Variants in EYS observed in about 807,000 individuals in gnomAD.
EYS encodes protein eyes shut homolog.
In EYS, 250 loss-of-function variants were observed where a neutral mutation model predicts 282.1. That is an observed-to-expected ratio of 0.89 (90% CI 0.80 to 0.98). The LOEUF is 0.98. Among genes scored for constraint, EYS ranks in the 50% least tolerant of loss-of-function variants. EYS has a pLI of 0.00. For missense variants in EYS, 4,016 were observed against 3,709.0 expected (o/e 1.08, Z -2.15); for synonymous variants, 1,355 against 1,282.9 (o/e 1.06, Z -1.20).
chr6:63,962,733 A>G (rs1470225841), intron 35 of EYS, among the ~76,000 whole-genome samples: 1 of 152,200 alleles, frequency 6.6e-6, no homozygotes, highest in African/African-American at 2.4e-5. Context: ...TAGAAATACC[A>G]TTTGACCCAG....
intron 5 of EYS, among the ~76,000 whole-genome samples, chr6:65,438,153 A>T (rs1016355263): frequency 6.6e-5 from 10 of 152,010 alleles, no homozygotes; most frequent in Non-Finnish European, 1.0e-4. Context: ...GATGGTTTCC[A>T]GCTTCATCCA....
intron 32 of EYS, 65 bp downstream of exon 32, chr6:64,081,791 G>C: frequency 8.1e-7 from 1 of 1,234,644 alleles, no homozygotes; most frequent in Admixed American, 2.9e-5. Flanking sequence ...ATAAATCATT[G>C]ATTCAATAGA....
At chr6:65,301,855 G>C (rs1429763080) in intron 11 of EYS, among the ~76,000 whole-genome samples, 1 of 152,200 alleles carries the variant, frequency 6.6e-6, no homozygotes, top group East Asian at 1.9e-4. Context: ...CAAGGTTCTG[G>C]ACCTTGAGAA....
intron 36 of EYS, among the ~76,000 whole-genome samples, chr6:63,836,073 T>C (rs1771797949): frequency 6.6e-6 from 1 of 152,094 alleles, no homozygotes. Flanking sequence ...ATATTTTATT[T>C]CTCTGGATTA....
intron 12 of EYS, among the ~76,000 whole-genome samples, chr6:65,282,438 C>G (rs1768250510): frequency 6.6e-6 from 1 of 151,836 alleles, no homozygotes; most frequent in Non-Finnish European, 1.5e-5. Flanking sequence ...AACATTGGCT[C>G]TTAAAATGTC....
chr6:64,342,403 C>T (rs556352739), intron 29 of EYS, among the ~76,000 whole-genome samples: 10 of 151,940 alleles, frequency 6.6e-5, no homozygotes, highest in African/African-American at 2.2e-4. Context: ...AGAGTGGGGG[C>T]CAATACTCAA....
chr6:64,070,486 T>A (rs1190431191), intron 32 of EYS, among the ~76,000 whole-genome samples: 1 of 152,050 alleles, frequency 6.6e-6, no homozygotes, highest in African/African-American at 2.4e-5. Flanking sequence ...CGGCAAAAAA[T>A]ACTATTAGCT....
At chr6:64,958,878 T>C (rs550033302) in intron 14 of EYS, among the ~76,000 whole-genome samples, 45 of 152,078 alleles carry the variant, frequency 3.0e-4, no homozygotes, top group African/African-American at 1.0e-3. Context: ...TCTGGAAACA[T>C]TACAGTTAGA....
chr6:64,699,847 A>G (rs1770719366), intron 22 of EYS, among the ~76,000 whole-genome samples: 1 of 152,034 alleles, frequency 6.6e-6, no homozygotes, highest in Admixed American at 6.6e-5. Flanking sequence ...CCATTTTACA[A>G]ACCCAGTATT....
chr6:64,533,971 C>T (rs1184761647), intron 26 of EYS, among the ~76,000 whole-genome samples: 1 of 151,658 alleles, frequency 6.6e-6, no homozygotes, highest in East Asian at 1.9e-4. Context: ...TAAGAATATA[C>T]AAAACTAATC....
At chr6:64,190,774 C>T (rs1389835257) in intron 31 of EYS, among the ~76,000 whole-genome samples, 1 of 151,994 alleles carries the variant, frequency 6.6e-6, no homozygotes, top group Non-Finnish European at 1.5e-5. Context: ...AAATGGAAGT[C>T]AAAATTAGGC....
chr6:64,632,162 T>A (rs1273432607), intron 22 of EYS, among the ~76,000 whole-genome samples: 1 of 152,086 alleles, frequency 6.6e-6, no homozygotes, highest in African/African-American at 2.4e-5. Context: ...GAAGCCAAGA[T>A]TTCTCAAGTT....
At chr6:63,998,046 C>T (rs1767914955) in intron 34 of EYS, among the ~76,000 whole-genome samples, 1 of 151,968 alleles carries the variant, frequency 6.6e-6, no homozygotes, top group Non-Finnish European at 1.5e-5. Flanking sequence ...TTATTCCTAC[C>T]CTAACAACCC....
At position 64,230,603 on chromosome 6, in the gene EYS, A is replaced by G; in HGVS notation, c.6413T>C (p.Phe2138Ser). The G allele has an allele frequency of 6.5e-7, 1 of 1,545,422 alleles. No homozygotes were observed. Among genetic ancestry groups the G allele is most frequent in the African/African-American group, 1.4e-5 (1 of 73,074 alleles). ...CDCPLHFTGRFCEKDAGLFFP... is the reference protein window; with the variant it reads ...CDCPLHFTGRSCEKDAGLFFP... Reference sequence around the variant, plus strand: ...TGAAGATTGATTACCTTTTTCACAGAAGCGGCCAGTGAAATGTAGTGGACA... The same window carrying G: ...TGAAGATTGATTACCTTTTTCACAGGAGCGGCCAGTGAAATGTAGTGGACA... Residue 2138 changes from phenylalanine (F) to serine (S), a missense_variant, in exon 31 of 43, where the codon TTC (phenylalanine) becomes TCC (serine). By Grantham distance (155) the Phe-to-Ser change is radical. Coordinates refer to ENST00000503581, the MANE Select transcript of EYS (RefSeq NM_001142800.2).
intron 30 of EYS, among the ~76,000 whole-genome samples, chr6:64,274,839 G>C (rs545819898): frequency 2.6e-5 from 4 of 152,032 alleles, no homozygotes; most frequent in Non-Finnish European, 4.4e-5. Context: ...CCTGGCCATC[G>C]TAAGTGTTCA....
chr6:64,319,029 T>G (rs1770094001), intron 29 of EYS, among the ~76,000 whole-genome samples: 1 of 151,948 alleles, frequency 6.6e-6, no homozygotes, highest in Admixed American at 6.6e-5. Context: ...AATTATATTT[T>G]TGTGCGTATT....
At chr6:64,345,894 T>A (rs376281113) in intron 29 of EYS, among the ~76,000 whole-genome samples, 1 of 152,110 alleles carries the variant, frequency 6.6e-6, no homozygotes, top group Admixed American at 6.6e-5. Context: ...GGGCGAAGGA[T>A]ATGAACAGAC....
intron 2 of EYS, among the ~76,000 whole-genome samples, chr6:65,621,477 A>G (rs1212925871): frequency 5.3e-5 from 8 of 150,326 alleles, no homozygotes. Flanking sequence ...TCCTGAATAC[A>G]GCACACTGAT....
chr6:64,029,503 C>A lies in EYS; in HGVS notation c.6726-30320G>T, dbSNP rs1039025177. 3.9e-5 allele frequency among the ~76,000 whole-genome samples: 6 copies of A among 152,156 alleles called. No homozygotes were observed. In the South Asian group the frequency reaches 1.2e-3, roughly 32 times the overall value. ...TACCAGGTACTCCTCCTTGAGGGAC[C>A]GGTGTTTCAAAAATGCACGTGTGTG... On this transcript the variant is annotated intron_variant, in intron 33 of 42. Coordinates refer to ENST00000503581, the MANE Select transcript of EYS (RefSeq NM_001142800.2).
Sources: allele counts gnomAD v4.1 joint callset (sites outside exome capture counted in the v4.1 genomes callset), GRCh38; gene constraint gnomAD v4.1.1; transcripts MANE v1.5; gene names NCBI Gene and HGNC (gene_info 2026-07-23, HGNC 2026-07-21).